The following CAB39 variants were observed in gnomAD, a reference collection of about 807,000 sequenced individuals.
CAB39 encodes calcium binding protein 39.
Under a neutral mutation model 40.0 loss-of-function variants are expected in CAB39, and 8 were observed. The ratio of observed to expected loss-of-function variants is 0.20; its 90% CI spans 0.12 to 0.36. The LOEUF is 0.36. CAB39 is among the 10% of genes least tolerant of loss of function. The probability of loss-of-function intolerance (pLI) is 1.00; values close to 1 mark genes in which losing one functional copy is unlikely to be tolerated. For synonymous variants in CAB39, 156 were observed against 141.6 expected (o/e 1.10, Z -0.72); for missense variants, 270 against 401.1 (o/e 0.67, Z 2.79).
intron 6 of CAB39, among the ~76,000 whole-genome samples, chr2:230,810,550 A>T (rs1258049094): frequency 6.6e-6 from 1 of 152,256 alleles, no homozygotes; most frequent in Non-Finnish European, 1.5e-5. Context: ...GCTTTAAAAG[A>T]GGAAAATAGA....
intron 2 of CAB39, among the ~76,000 whole-genome samples, chr2:230,777,267 C>A (rs377566557): frequency 2.0e-5 from 3 of 151,812 alleles, no homozygotes; most frequent in African/African-American, 4.8e-5. Flanking sequence ...TGGGGATTCT[C>A]ATTCATATTC....
In CAB39 at chr2:230,751,604, C is replaced by T. The variant is rs185873689; in HGVS notation, c.-43-8355C>T. The stretch of plus-strand genomic sequence containing the variant: ...CTTAAATGGTGTGGGCTTTTATTTT[C>T]CTAATGGGTATCCTGTATATTCTCT... On this transcript the variant is annotated intron_variant, in intron 1 of 8. Transcript: ENST00000258418. Among the ~76,000 whole-genome samples, 164 of 152,250 alleles carry T rather than the reference C, an allele frequency of 1.1e-3. 2 individuals are homozygous for T. The highest frequency in any genetic ancestry group is 3.4e-3 in the Middle Eastern group (1 of 294).
At chr2:230,727,293 A>G (rs1202131064) in intron 1 of CAB39, among the ~76,000 whole-genome samples, 1 of 151,004 alleles carries the variant, frequency 6.6e-6, no homozygotes. Flanking sequence ...GGCGGGGGAT[A>G]TTTTAAATGT....
chr2:230,791,489 T>G (rs563775711), intron 3 of CAB39, among the ~76,000 whole-genome samples: 1 of 152,320 alleles, frequency 6.6e-6, no homozygotes, highest in East Asian at 1.9e-4. Context: ...CCAGAGACCA[T>G]ATGTGTTTTG....
chr2:230,782,913 C>T (rs1444847039), intron 2 of CAB39, among the ~76,000 whole-genome samples: 2 of 149,906 alleles, frequency 1.3e-5, no homozygotes, highest in African/African-American at 2.5e-5. Flanking sequence ...CCTGGGTTCA[C>T]GCCATTCTCC....
intron 2 of CAB39, among the ~76,000 whole-genome samples, chr2:230,770,923 A>G (rs1184595106): frequency 6.6e-6 from 1 of 152,218 alleles, no homozygotes; most frequent in African/African-American, 2.4e-5. Context: ...CAAAAATCCT[A>G]CAGCTAGCAT....
At chr2:230,715,571 C>T (rs1260354285) in intron 1 of CAB39, among the ~76,000 whole-genome samples, 1 of 152,192 alleles carries the variant, frequency 6.6e-6, no homozygotes, top group African/African-American at 2.4e-5. Flanking sequence ...AAAATAGTCT[C>T]TACACTAGGG....
intron 2 of CAB39, among the ~76,000 whole-genome samples, chr2:230,774,177 T>G (rs1340992084): frequency 6.6e-6 from 1 of 152,208 alleles, no homozygotes; most frequent in African/African-American, 2.4e-5. Flanking sequence ...CATGGTAAAA[T>G]TATGCCTTTT....
At chr2:230,735,980 A>G (rs1331406405) in intron 1 of CAB39, among the ~76,000 whole-genome samples, 1 of 152,228 alleles carries the variant, frequency 6.6e-6, no homozygotes, top group Non-Finnish European at 1.5e-5. Context: ...TGCACACTGC[A>G]TAGGGGCTCT....
At chr2:230,714,484 T>C (rs1694313595) in intron 1 of CAB39, among the ~76,000 whole-genome samples, 1 of 152,224 alleles carries the variant, frequency 6.6e-6, no homozygotes. Context: ...GTCTATAAAA[T>C]AAGCTCATCT....
At chr2:230,753,564 C>T (rs1327342725) in intron 1 of CAB39, among the ~76,000 whole-genome samples, 1 of 151,934 alleles carries the variant, frequency 6.6e-6, no homozygotes, top group Non-Finnish European at 1.5e-5. Context: ...ACCAGCCTGG[C>T]CAACATGGTG....
At chr2:230,756,846 C>T (rs1695201982) in intron 1 of CAB39, among the ~76,000 whole-genome samples, 1 of 152,092 alleles carries the variant, frequency 6.6e-6, no homozygotes. Context: ...GCACACGCCA[C>T]CACGCCCAGC....
intron 1 of CAB39, among the ~76,000 whole-genome samples, chr2:230,729,964 T>C (rs1041446252): frequency 1.1e-4 from 17 of 152,136 alleles, no homozygotes. Context: ...AGAAAATTTT[T>C]CCAGGTTGAA....
chr2:230,802,653 T>C (rs147004778), intron 5 of CAB39, among the ~76,000 whole-genome samples: 1,938 of 151,950 alleles, frequency 0.013, 40 homozygotes, highest in Middle Eastern at 0.061. Context: ...AACTAGAAAA[T>C]CTAGAAGAAA....
intron 1 of CAB39, chr2:230,725,449 C>T (rs1433643067): frequency 3.4e-6 from 5 of 1,491,344 alleles, no homozygotes; most frequent in Non-Finnish European, 4.6e-6. Flanking sequence ...AACGGTTCCT[C>T]CCGCCACCCG....
rs765904624 is a variant in CAB39 at position 230,798,712 on chromosome 2, G to T, written c.399-17G>T. 2 of 1,572,890 alleles carry T rather than the reference G, an allele frequency of 1.3e-6. No individual in the cohort carries two copies. The highest frequency in any genetic ancestry group is 1.2e-5 in the South Asian group (1 of 86,342). On this transcript the variant is annotated splice_polypyrimidine_tract_variant and intron_variant, in intron 4 of 8. Coordinates refer to ENST00000258418, the MANE Select transcript of CAB39 (RefSeq NM_016289.4). The stretch of plus-strand genomic sequence containing the variant: ...CAATCATGTTTGGTTTGTTTGTTTG[G>T]TTTTTTGTTTTTGCAGGTATGAATC...
intron 2 of CAB39, among the ~76,000 whole-genome samples, chr2:230,773,919 G>A (rs1695537756): frequency 6.6e-6 from 1 of 152,138 alleles, no homozygotes; most frequent in Non-Finnish European, 1.5e-5. Context: ...TATTGACATG[G>A]ACTAGGTGAC....
chr2:230,720,841 T>C (rs916514581), intron 1 of CAB39, among the ~76,000 whole-genome samples: 5 of 152,208 alleles, frequency 3.3e-5, no homozygotes, highest in African/African-American at 1.2e-4. Flanking sequence ...TACTTTTAGA[T>C]TCTATAGCAG....
chr2:230,811,468 G>A (rs1005932951), intron 6 of CAB39, among the ~76,000 whole-genome samples: 13 of 152,150 alleles, frequency 8.5e-5, no homozygotes, highest in African/African-American at 3.1e-4. Flanking sequence ...TGCGTTTCTT[G>A]TATGTTCATT....
Sources: allele counts gnomAD v4.1 joint callset (sites outside exome capture counted in the v4.1 genomes callset), GRCh38; gene constraint gnomAD v4.1.1; transcripts MANE v1.5; gene names NCBI Gene and HGNC (gene_info 2026-07-23, HGNC 2026-07-21).